LRRC69: variants seen among roughly 807,000 people sequenced by gnomAD.
LRRC69 encodes the protein leucine-rich repeat-containing protein 69.
LRRC69 carries 42 observed loss-of-function variants against 37.8 expected under a neutral mutation model. The ratio of observed to expected loss-of-function variants is 1.11; its 90% CI spans 0.87 to 1.44. LRRC69 has a LOEUF of 1.44. Among genes scored for constraint, LRRC69 ranks in the 40% most tolerant of loss-of-function variants. The pLI, the probability that LRRC69 is intolerant of heterozygous loss-of-function variation, is 0.00. For synonymous variants in LRRC69, 141 were observed against 143.1 expected, an observed-to-expected ratio of 0.99 and a Z score of 0.11; for missense variants, 357 against 401.9, an observed-to-expected ratio of 0.89 and a Z score of 0.96.
At chr8:91,212,605 A>G (rs2130648271) in intron 7 of LRRC69, among the ~76,000 whole-genome samples, 1 of 152,292 alleles carries the variant, frequency 6.6e-6, no homozygotes, top group South Asian at 2.1e-4. Flanking sequence ...ATTACTTATA[A>G]AGTAAAATCT....
At chr8:91,194,490 G>A (rs1809559191) in intron 6 of LRRC69, among the ~76,000 whole-genome samples, 1 of 151,920 alleles carries the variant, frequency 6.6e-6, no homozygotes, top group African/African-American at 2.4e-5. Flanking sequence ...ACTCTTTTTG[G>A]TTAGTAAGCT....
intron 1 of LRRC69, among the ~76,000 whole-genome samples, chr8:91,111,588 A>T (rs1586223362): frequency 6.6e-6 from 1 of 152,018 alleles, no homozygotes; most frequent in South Asian, 2.1e-4. Flanking sequence ...AGGGACATGG[A>T]TGGAGCTGAA....
intron 5 of LRRC69, among the ~76,000 whole-genome samples, chr8:91,146,821 C>CTA (rs1312006517): frequency 1.3e-5 from 2 of 151,766 alleles, no homozygotes; most frequent in Non-Finnish European, 2.9e-5. Flanking sequence ...GCCCTCCCTC[C>CTA]ATGTCCCAGG....
intron 7 of LRRC69, among the ~76,000 whole-genome samples, chr8:91,205,227 G>GAT (rs1378683514): frequency 1.3e-5 from 2 of 152,034 alleles, no homozygotes; most frequent in Non-Finnish European, 2.9e-5. Context: ...AGTTACAGTG[G>GAT]ATAACACAAT....
intron 7 of LRRC69, among the ~76,000 whole-genome samples, chr8:91,213,606 A>T (rs959196997): frequency 1.3e-5 from 2 of 152,232 alleles, no homozygotes; most frequent in South Asian, 4.1e-4. Context: ...CTAAAGAGGT[A>T]AAAGATATTA....
intron 5 of LRRC69, among the ~76,000 whole-genome samples, chr8:91,153,090 A>G (rs1054496466): frequency 4.6e-5 from 7 of 151,438 alleles, no homozygotes; most frequent in Admixed American, 4.0e-4. Flanking sequence ...GTTTCTAACA[A>G]ACAGACTTTA....
intron 5 of LRRC69, among the ~76,000 whole-genome samples, chr8:91,172,872 G>C (rs182499168): frequency 6.6e-6 from 1 of 152,088 alleles, no homozygotes; most frequent in East Asian, 1.9e-4. Context: ...TCAGCTCCTT[G>C]AATAATTTTT....
chr8:91,213,627 C>G (rs1809977919), intron 7 of LRRC69, among the ~76,000 whole-genome samples: 1 of 152,058 alleles, frequency 6.6e-6, no homozygotes, highest in African/African-American at 2.4e-5. Context: ...GCAATAAAAT[C>G]TAGATATTAA....
rs1043252732 is a variant in LRRC69, at chr8:91,206,660, T to C, written c.933+5868T>C. 6.4e-5 allele frequency: 82 copies of C among 1,288,170 alleles called. 1 individual carries two copies. The Admixed American group carries it at 1.8e-3, about 29-fold the overall frequency. The allele number at this position is 1,288,170 out of a possible 1,614,324, so 79.8% of individuals were successfully genotyped here. On this transcript the variant is annotated intron_variant, in intron 7 of 7. Coordinates refer to ENST00000448384, the Ensembl canonical transcript of LRRC69. ...GATTCCCTCTCAAAACCATCTGATGTGCTGCTACTCTTATTTCATGTCTCT... is the reference window on the plus strand; with the variant it reads ...GATTCCCTCTCAAAACCATCTGATGCGCTGCTACTCTTATTTCATGTCTCT...
intron 5 of LRRC69, among the ~76,000 whole-genome samples, chr8:91,181,713 G>C (rs2130599301): frequency 6.6e-6 from 1 of 152,266 alleles, no homozygotes; most frequent in South Asian, 2.1e-4. Context: ...GAGTTAATAG[G>C]AAGAGGAGTA....
chr8:91,157,551 T>C, intron 5 of LRRC69: 1 of 1,519,706 alleles, frequency 6.6e-7, no homozygotes. Flanking sequence ...AGAATGAGGG[T>C]TTACTCCTGG....
At chr8:91,161,973 C>G (rs1287836103) in intron 5 of LRRC69, among the ~76,000 whole-genome samples, 1 of 151,240 alleles carries the variant, frequency 6.6e-6, no homozygotes, top group African/African-American at 2.4e-5. Context: ...TCATTTGTTT[C>G]AAGAAACTTA....
At chr8:91,218,946 T>A in exon 8 of LRRC69, 1 of 1,551,134 alleles carries the variant, frequency 6.4e-7, no homozygotes, top group Non-Finnish European at 8.7e-7. Flanking sequence ...TAATTTGTTC[T>A]TACAAATGTT....
chr8:91,133,043 G>T, intron 3 of LRRC69, 67 bp from the exon 4 acceptor site: 1 of 929,804 alleles, frequency 1.1e-6, no homozygotes, highest in Admixed American at 3.3e-5. Flanking sequence ...TGCTAAGTTG[G>T]GCCTATATAG....
intron 5 of LRRC69, among the ~76,000 whole-genome samples, chr8:91,136,909 A>G (rs1032768102): frequency 2.6e-5 from 4 of 152,008 alleles, no homozygotes; most frequent in African/African-American, 9.7e-5. Context: ...TTAAGGCTGA[A>G]TAATATTCAG....
intron 1 of LRRC69, among the ~76,000 whole-genome samples, chr8:91,105,275 A>G (rs1253583278): frequency 1.3e-5 from 2 of 151,830 alleles, no homozygotes; most frequent in Admixed American, 6.6e-5. Context: ...AATTTTCCCT[A>G]TGTAATGGGA....
intron 7 of LRRC69, among the ~76,000 whole-genome samples, chr8:91,211,108 G>A (rs1809906817): frequency 1.3e-5 from 2 of 152,178 alleles, no homozygotes; most frequent in South Asian, 2.1e-4. Flanking sequence ...AAAGCACTAA[G>A]GGAAAATAAC....
At chr8:91,149,414 T>C (rs1370407960) in intron 5 of LRRC69, among the ~76,000 whole-genome samples, 3 of 152,140 alleles carry the variant, frequency 2.0e-5, no homozygotes, top group East Asian at 3.9e-4. Flanking sequence ...GCATTATTTC[T>C]GAGGGCTCTG....
At chr8:91,211,595 A>AATATAT (rs144378729) in intron 7 of LRRC69, among the ~76,000 whole-genome samples, 124 of 140,428 alleles carry the variant, frequency 8.8e-4, no homozygotes, top group African/African-American at 1.5e-3. Flanking sequence ...CAATTATACA[A>AATATAT]ATATATATAT....
Sources: allele counts gnomAD v4.1 joint callset (sites outside exome capture counted in the v4.1 genomes callset), GRCh38; gene constraint gnomAD v4.1.1; transcripts MANE v1.5; gene names NCBI Gene and HGNC (gene_info 2026-07-23, HGNC 2026-07-21).